Variants in SETBP1 observed in about 807,000 individuals in gnomAD.
SETBP1 encodes the protein SET binding protein 1.
A neutral mutation model predicts 101.0 loss-of-function variants in SETBP1; 9 were observed. The observed-to-expected ratio is 0.09, with a 90% CI of 0.05 to 0.16. SETBP1 has a LOEUF of 0.16. SETBP1 is among the 10% of genes least tolerant of loss of function. The pLI, the probability that SETBP1 is intolerant of heterozygous loss-of-function variation, is 1.00. For missense variants in SETBP1, 1,858 were observed against 2,033.8 expected (o/e 0.91, Z 1.66); for synonymous variants, 818 against 788.5 (o/e 1.04, Z -0.63).
chr18:44,833,890 C>T (rs1344271430), intron 2 of SETBP1, among the ~76,000 whole-genome samples: 1 of 152,150 alleles, frequency 6.6e-6, no homozygotes, highest in Non-Finnish European at 1.5e-5. Context: ...TAAACAAATA[C>T]CTGGTTTTGG....
At chr18:44,922,819 C>T (rs952131537) in intron 3 of SETBP1, among the ~76,000 whole-genome samples, 5 of 152,128 alleles carry the variant, frequency 3.3e-5, no homozygotes, top group Admixed American at 1.3e-4. Flanking sequence ...AATTACATGG[C>T]GCAGGTTCTA....
rs1449627038 is a variant in SETBP1 at position 45,052,697 on chromosome 18, G to C, written c.4172-10382G>C. 2.0e-5 allele frequency among the ~76,000 whole-genome samples: 3 copies of C among 152,238 alleles called. No individual in the cohort carries two copies. The South Asian group carries it at 6.2e-4, about 32-fold the overall frequency. Reference sequence around the variant, plus strand: ...AGACAGGAGAAAGTCGAAAGCAATTGGTGTGAATTGCTTGTTGTTTTTAGG... The same window carrying C: ...AGACAGGAGAAAGTCGAAAGCAATTCGTGTGAATTGCTTGTTGTTTTTAGG... On this transcript the variant is annotated intron_variant, in intron 5 of 5. Coordinates refer to ENST00000649279, the MANE Select transcript of SETBP1 (RefSeq NM_015559.3).
intron 1 of SETBP1, among the ~76,000 whole-genome samples, chr18:44,682,520 C>A (rs2144082664): frequency 6.6e-6 from 1 of 152,290 alleles, no homozygotes; most frequent in Admixed American, 6.5e-5. Context: ...CATCCTTAAA[C>A]TCCCTGAGGG....
At chr18:44,778,291 G>T (rs964515041) in intron 2 of SETBP1, among the ~76,000 whole-genome samples, 6 of 152,218 alleles carry the variant, frequency 3.9e-5, no homozygotes, top group Admixed American at 6.5e-5. Context: ...AGCCTAGGGG[G>T]GCCTATTCTC....
chr18:45,044,444 C>T (rs2073569042), intron 5 of SETBP1, among the ~76,000 whole-genome samples: 1 of 152,210 alleles, frequency 6.6e-6, no homozygotes, highest in African/African-American at 2.4e-5. Flanking sequence ...AGCTCTGGGC[C>T]ACCAAGGGAC....
At chr18:44,853,815 A>G (rs2072918751) in intron 2 of SETBP1, among the ~76,000 whole-genome samples, 1 of 152,130 alleles carries the variant, frequency 6.6e-6, no homozygotes, top group South Asian at 2.1e-4. Context: ...CGTGCAAATT[A>G]CTTTTTCCTG....
Position 44,951,071 on chromosome 18 carries a change from T to C in SETBP1, c.1731T>C (p.Leu577=). ...SSPLYTNTDS[L]TVITPVKKKR... Reference sequence around the variant, plus strand: ...CTCTCTACACCAACACAGACAGTCTTACTGTGATCACTCCAGTCAAAAAGA... The same window carrying C: ...CTCTCTACACCAACACAGACAGTCTCACTGTGATCACTCCAGTCAAAAAGA... Residue 577 remains leucine (L), a synonymous_variant, in exon 4 of 6, where the codon CTT becomes CTC. Transcript: ENST00000649279. This position sits in a 1 kb window ranked among gnomAD's most constrained non-coding sequence, Gnocchi z 7.8. The C allele has an allele frequency of 6.2e-7, 1 of 1,614,032 alleles. No homozygotes were observed. The highest frequency in any genetic ancestry group is 1.1e-5 in the South Asian group (1 of 91,062).
intron 5 of SETBP1, among the ~76,000 whole-genome samples, chr18:45,041,623 A>C (rs193211694): frequency 6.6e-6 from 1 of 152,354 alleles, no homozygotes; most frequent in East Asian, 1.9e-4. Flanking sequence ...TATTGAGATA[A>C]GAAGGTACTG....
rs186032463 is a variant in SETBP1 at position 45,047,154 on chromosome 18, C to T, written c.4171+8499C>T. ...TCTTCTTCCCAGTGATAGTATCATTCACACCTCCATTGAAGCCCAGTGGGA... is the reference window on the plus strand; with the variant it reads ...TCTTCTTCCCAGTGATAGTATCATTTACACCTCCATTGAAGCCCAGTGGGA... On this transcript the variant is annotated intron_variant, in intron 5 of 5. Transcript: ENST00000649279. 1.6e-4 allele frequency among the ~76,000 whole-genome samples: 24 copies of T among 152,264 alleles called. No homozygotes were observed. The East Asian group carries it at 4.0e-3, about 26-fold the overall frequency.
rs375838339 is a variant in SETBP1, at chr18:44,952,940, G to A, written c.3600G>A (p.Val1200=). The A allele has an allele frequency of 8.1e-6, 13 of 1,614,170 alleles. No homozygotes were observed. Among genetic ancestry groups the A allele is most frequent in the South Asian group, 1.1e-5 (1 of 91,062 alleles). ...GCGCAGACAAAGAGCTCCCGCTGGTGAGTGAGAAGAACAAGCATAAGGAGA... is the reference window on the plus strand; with the variant it reads ...GCGCAGACAAAGAGCTCCCGCTGGTAAGTGAGAAGAACAAGCATAAGGAGA... ...LSSADKELPL[V]SEKNKHKEKQ... Residue 1200 remains valine, a synonymous_variant, in exon 4 of 6, where the codon GTG becomes GTA. Transcript: ENST00000649279.
Position 44,952,890 on chromosome 18 carries a change from C to T in SETBP1, c.3550C>T (p.His1184Tyr). The change falls in exon 4 of 6, where the codon CAC (histidine) becomes TAC (tyrosine). Residue 1184 changes from histidine to tyrosine, a missense_variant. Physicochemically the swap from His to Tyr is moderately conservative, Grantham distance 83. This residue lies in a region of SETBP1 where 417 missense variants were observed against 389.1 expected (regional missense o/e 1.07). Transcript: ENST00000649279. ...AGGCAAAGCCACAGGCTTCTCCAGCCACATCCTGAGCGAGCGGCTGAGTAG... is the reference window on the plus strand; with the variant it reads ...AGGCAAAGCCACAGGCTTCTCCAGCTACATCCTGAGCGAGCGGCTGAGTAG... ...FAGKATGFSSHILSERLSSAD... is the reference protein window; with the variant it reads ...FAGKATGFSSYILSERLSSAD... 1 of 1,614,180 alleles carries T rather than the reference C, an allele frequency of 6.2e-7. No individual in the cohort carries two copies. The highest frequency in any genetic ancestry group is 8.5e-7 in the Non-Finnish European group (1 of 1,180,046).
chr18:45,012,853 A>G (rs2072867699), intron 4 of SETBP1, among the ~76,000 whole-genome samples: 1 of 152,204 alleles, frequency 6.6e-6, no homozygotes. Flanking sequence ...GACATTGAGG[A>G]CTTGAAAGGG....
chr18:44,877,370 C>G, intron 3 of SETBP1: 6 of 978,340 alleles, frequency 6.1e-6, no homozygotes, highest in Non-Finnish European at 7.3e-6. Flanking sequence ...TTCTAGTTAA[C>G]CAACACTGAG....
intron 3 of SETBP1, among the ~76,000 whole-genome samples, chr18:44,894,013 C>G (rs2069833539): frequency 6.6e-6 from 1 of 152,046 alleles, no homozygotes; most frequent in South Asian, 2.1e-4. Context: ...TGATCTGCAG[C>G]CAGTAAGAGC....
At chr18:44,736,202 TAGAG>T (rs1166506831) in intron 2 of SETBP1, among the ~76,000 whole-genome samples, 1 of 150,802 alleles carries the variant, frequency 6.6e-6, no homozygotes, top group Non-Finnish European at 1.5e-5. Flanking sequence ...CTGGGCAACA[TAGAG>T]AGATCCCTTC....
intron 2 of SETBP1, among the ~76,000 whole-genome samples, chr18:44,787,876 A>AAAAAAAAAAAAAAAAC (rs1316464573): frequency 7.7e-6 from 1 of 130,198 alleles, no homozygotes; most frequent in East Asian, 2.0e-4. Context: ...AAAAAAAAAA[A>AAAAAAAAAAAAAAAAC]AAAAGAAAAT....
intron 4 of SETBP1, among the ~76,000 whole-genome samples, chr18:45,002,421 C>G (rs2072636587): frequency 6.6e-6 from 1 of 152,100 alleles, no homozygotes; most frequent in African/African-American, 2.4e-5. Flanking sequence ...GGCCTGGTCC[C>G]TGCTGGAATT....
intron 4 of SETBP1, among the ~76,000 whole-genome samples, chr18:44,992,446 G>T (rs1321423428): frequency 6.6e-6 from 1 of 152,006 alleles, no homozygotes; most frequent in Non-Finnish European, 1.5e-5. Flanking sequence ...GGCAATAATA[G>T]TTGAGGAGCA....
chr18:44,735,492 T>G (rs987031016), intron 2 of SETBP1, among the ~76,000 whole-genome samples: 2 of 152,184 alleles, frequency 1.3e-5, no homozygotes, highest in Non-Finnish European at 2.9e-5. Flanking sequence ...GCACAATACA[T>G]TTTAGCAAAT....
Sources: gnomAD v4.1 joint callset for allele counts (sites outside exome capture counted in the v4.1 genomes callset) on GRCh38, gnomAD v4.1.1 for gene constraint, gnomAD v4.1.1 regional missense constraint, Gnocchi (gnomAD v3.1) non-coding constraint, MANE v1.5 for transcripts, NCBI Gene and HGNC (gene_info 2026-07-23, HGNC 2026-07-21) for gene names.